PDE10A: variants seen among roughly 807,000 people sequenced by gnomAD.
PDE10A encodes cAMP and cAMP-inhibited cGMP 3',5'-cyclic phosphodiesterase 10A.
A neutral mutation model predicts 97.7 loss-of-function variants in PDE10A; 39 were observed. The ratio of observed to expected loss-of-function variants is 0.40; its 90% CI spans 0.31 to 0.52. The LOEUF (loss-of-function observed/expected upper bound fraction) is 0.52, where lower values mean the gene tolerates loss of function less well. Among genes scored for constraint, PDE10A ranks in the 20% least tolerant of loss-of-function variants. The pLI, the probability that PDE10A is intolerant of heterozygous loss-of-function variation, is 0.56. For missense variants in PDE10A, 731 were observed against 1,047.8 expected (o/e 0.70, Z 4.17); for synonymous variants, 371 against 376.8 (o/e 0.98, Z 0.18).
At chr6:165,668,575 G>T (rs1790554022) in intron 1 of PDE10A, among the ~76,000 whole-genome samples, 1 of 148,924 alleles carries the variant, frequency 6.7e-6, no homozygotes, top group East Asian at 1.9e-4. Context: ...AGAAATGTTG[G>T]CTCTTCCAGA....
At chr6:165,943,230 A>AAGGAAGGAAGGAAG in intron 1 of PDE10A, among the ~76,000 whole-genome samples, 1 of 40,174 alleles carries the variant, frequency 2.5e-5, no homozygotes, top group South Asian at 8.3e-4. Context: ...AAAGAAAGAA[A>AAGGAAGGAAGGAAG]GAAAGAAGGA....
intron 1 of PDE10A, among the ~76,000 whole-genome samples, chr6:165,774,082 G>A (rs535243823): frequency 1.3e-5 from 2 of 152,174 alleles, no homozygotes; most frequent in Admixed American, 1.3e-4. Context: ...AGAAGCCCCA[G>A]TGATTAGAAG....
intron 1 of PDE10A, among the ~76,000 whole-genome samples, chr6:165,802,912 C>T (rs1779020210): frequency 6.6e-6 from 1 of 152,214 alleles, no homozygotes; most frequent in Admixed American, 6.5e-5. Flanking sequence ...TGATCACGTA[C>T]CACATACAGC....
rs1479759563 is a variant in PDE10A, at chr6:165,691,109, C to CA, written c.-614-147542_-614-147541insT. 2.9e-5 allele frequency among the ~76,000 whole-genome samples: 3 copies of CA among 103,362 alleles called. 1 individual carries two copies. The highest frequency in any genetic ancestry group is 7.2e-5 in the African/African-American group (2 of 27,706). 67.8% of individuals were successfully genotyped at this position (103,362 alleles called of 152,430 possible). A position where few individuals can be genotyped will look rare whatever the true frequency, so the allele number is the denominator to read the frequency against. ...TCTCTCTCTCTCTCTTTCTCTCTCC[C>CA]CCCCCCCATCAGTGCCTGTGGTCAC... On this transcript the variant is annotated intron_variant, in intron 1 of 19. Transcript: ENST00000366882.
intron 19 of PDE10A, among the ~76,000 whole-genome samples, chr6:165,341,530 G>A (rs1358343066): frequency 1.3e-5 from 2 of 152,174 alleles, no homozygotes; most frequent in South Asian, 4.1e-4. Flanking sequence ...AACAGTGCAA[G>A]GTTTTTGCTC....
At position 165,662,593 on chromosome 6, in the gene PDE10A, G is replaced by A. The variant is rs1790340204; in HGVS notation, c.219C>T (p.Gly73=). The change falls in exon 1 of 22, where the codon GGC becomes GGT. Residue 73 remains glycine (G), a synonymous_variant. Coordinates refer to ENST00000539869, the MANE Select transcript of PDE10A (RefSeq NM_001385079.1). ...CGGGGCCCCCAGCGGGGCTGGGGCG[G>A]CCTGCGGAGGAGAGGGGCGGGCGCG... ...APPRPPLSSA[G]RPSPAGGPGA... The A allele has an allele frequency of 6.9e-6, 1 of 145,408 alleles. No homozygotes were observed. The highest frequency in any genetic ancestry group is 2.5e-5 in the African/African-American group (1 of 40,510). 9.0% of individuals were successfully genotyped at this position (145,408 alleles called of 1,614,324 possible). A position where few individuals can be genotyped will look rare whatever the true frequency, so the allele number is the denominator to read the frequency against.
intron 1 of PDE10A, among the ~76,000 whole-genome samples, chr6:165,976,340 T>C (rs1329721988): frequency 6.6e-6 from 1 of 152,168 alleles, no homozygotes; most frequent in African/African-American, 2.4e-5. Flanking sequence ...CATCTTTGTA[T>C]ACCTAAATCT....
rs542431552 is a variant in PDE10A at position 165,846,346 on chromosome 6, G to A, written c.-615+141183C>T. On this transcript the variant is annotated intron_variant, in intron 1 of 19. Transcript: ENST00000366882. ...CCTCCATCGGAAGTACCGAGGTGCA[G>A]TGCAGTTACGGTGAGTAAATAAAGT... Among the ~76,000 whole-genome samples, 3 of 152,330 alleles carry A rather than the reference G, an allele frequency of 2.0e-5. No homozygotes were observed. In the South Asian group the frequency reaches 6.2e-4, roughly 32 times the overall value.
intron 1 of PDE10A, among the ~76,000 whole-genome samples, chr6:165,841,135 T>G (rs1346455500): frequency 6.6e-6 from 1 of 152,258 alleles, no homozygotes; most frequent in African/African-American, 2.4e-5. Context: ...CTCTTCAATT[T>G]ACTTTTGACT....
At chr6:165,728,759 G>A (rs770721754) in intron 1 of PDE10A, among the ~76,000 whole-genome samples, 2 of 152,118 alleles carry the variant, frequency 1.3e-5, no homozygotes, top group Non-Finnish European at 2.9e-5. Flanking sequence ...CATACCCAAA[G>A]ACACAGGCAC....
chr6:165,353,694 C>T (rs1583096640), intron 18 of PDE10A, among the ~76,000 whole-genome samples: 1 of 152,208 alleles, frequency 6.6e-6, no homozygotes, highest in East Asian at 1.9e-4. Flanking sequence ...GGTATGAGGA[C>T]TGTAAAAGGA....
At chr6:165,751,816 C>T (rs1020477326) in intron 1 of PDE10A, among the ~76,000 whole-genome samples, 65 of 152,066 alleles carry the variant, frequency 4.3e-4, no homozygotes, top group African/African-American at 1.5e-3. Flanking sequence ...AATTTGCATG[C>T]ACCTGTCCCT....
intron 2 of PDE10A, among the ~76,000 whole-genome samples, chr6:165,488,512 A>C (rs1180959210): frequency 6.6e-6 from 1 of 152,230 alleles, no homozygotes; most frequent in Non-Finnish European, 1.5e-5. Flanking sequence ...CTCGGTGGAC[A>C]GAGCAGCCTG....
chr6:165,854,089 G>C (rs1413823562), intron 1 of PDE10A, among the ~76,000 whole-genome samples: 1 of 152,228 alleles, frequency 6.6e-6, no homozygotes, highest in Non-Finnish European at 1.5e-5. Flanking sequence ...TCCTAGGGAA[G>C]AGCCCAGGCA....
chr6:165,687,616 C>T (rs933940474), intron 1 of PDE10A, among the ~76,000 whole-genome samples: 1 of 152,172 alleles, frequency 6.6e-6, no homozygotes, highest in African/African-American at 2.4e-5. Context: ...GCACACAATA[C>T]GAAGACCAAC....
At chr6:165,670,028 A>G (rs1790603191) in intron 1 of PDE10A, among the ~76,000 whole-genome samples, 1 of 152,240 alleles carries the variant, frequency 6.6e-6, no homozygotes, top group Non-Finnish European at 1.5e-5. Flanking sequence ...AACTGGCCAG[A>G]AGGGACACCT....
chr6:165,505,607 C>T (rs912326932), intron 2 of PDE10A, among the ~76,000 whole-genome samples: 12 of 152,144 alleles, frequency 7.9e-5, no homozygotes, highest in African/African-American at 2.9e-4. Flanking sequence ...CAAAGTTAAT[C>T]GGTTGGTGGT....
At chr6:165,723,823 G>T (rs1221516562) in intron 1 of PDE10A, among the ~76,000 whole-genome samples, 2 of 150,606 alleles carry the variant, frequency 1.3e-5, no homozygotes, top group Admixed American at 1.3e-4. Context: ...GGAGGTATGG[G>T]AACAAACGAG....
At chr6:165,908,707 A>C (rs982824235) in intron 1 of PDE10A, 2 of 152,232 alleles carry the variant, frequency 1.3e-5, no homozygotes, top group East Asian at 1.9e-4. Context: ...TTCCCAGAAC[A>C]TGGGGACTCC....
Sources: allele counts gnomAD v4.1 joint callset (sites outside exome capture counted in the v4.1 genomes callset), GRCh38; gene constraint gnomAD v4.1.1; transcripts MANE v1.5; gene names NCBI Gene and HGNC (gene_info 2026-07-23, HGNC 2026-07-21).